The following TENM2 variants were observed in gnomAD, a reference collection of about 807,000 sequenced individuals.
TENM2 encodes the protein teneurin-2.
In TENM2, 52 loss-of-function variants were observed where a neutral mutation model predicts 245.2. The ratio of observed to expected loss-of-function variants is 0.21; its 90% confidence interval spans 0.17 to 0.27. The LOEUF is 0.27. TENM2 is among the 10% of genes least tolerant of loss of function. TENM2 has a pLI of 1.00. For missense variants in TENM2, 3,046 were observed against 3,666.8 expected (o/e 0.83, Z 4.37); for synonymous variants, 1,363 against 1,438.9 (o/e 0.95, Z 1.19).
intron 2 of TENM2, among the ~76,000 whole-genome samples, chr5:167,709,457 A>G (rs977525169): frequency 6.6e-6 from 1 of 152,192 alleles, no homozygotes; most frequent in African/African-American, 2.4e-5. Flanking sequence ...AGTGTAGAGT[A>G]CAAATATATA....
intron 1 of TENM2, among the ~76,000 whole-genome samples, chr5:167,368,170 AT>A (rs1760179828): frequency 6.6e-6 from 1 of 152,228 alleles, no homozygotes; most frequent in Non-Finnish European, 1.5e-5. Flanking sequence ...CTTGAAAAAA[AT>A]AAACCTAATT....
At chr5:167,351,559 G>C (rs549646925) in intron 1 of TENM2, among the ~76,000 whole-genome samples, 1 of 152,296 alleles carries the variant, frequency 6.6e-6, no homozygotes, top group African/African-American at 2.4e-5. Flanking sequence ...CACTAATTCC[G>C]GTGGACAGTT....
rs546643333 is a variant in TENM2 at position 167,444,064 on chromosome 5, G to A, written c.502+68591G>A. Among the ~76,000 whole-genome samples, 4 of 152,016 alleles carry A rather than the reference G, an allele frequency of 2.6e-5. No individual in the cohort carries two copies. In the East Asian group the frequency reaches 5.8e-4, roughly 22 times the overall value. On this transcript the variant is annotated intron_variant, in intron 2 of 28. Coordinates refer to ENST00000518659, the Ensembl canonical transcript of TENM2. ...ATATTTTATATTTCCTTAATTTGTAGTGACTATTATTATGGTGGTAGATAA... is the reference window on the plus strand; with the variant it reads ...ATATTTTATATTTCCTTAATTTGTAATGACTATTATTATGGTGGTAGATAA...
chr5:168,083,492 G>A (rs1428564437), intron 7 of TENM2, among the ~76,000 whole-genome samples: 1 of 152,176 alleles, frequency 6.6e-6, no homozygotes, highest in African/African-American at 2.4e-5. Flanking sequence ...CGGTACCTCA[G>A]TTGGAAATGC....
chr5:168,189,943 T>C (rs774687133), intron 13 of TENM2, among the ~76,000 whole-genome samples: 2 of 152,102 alleles, frequency 1.3e-5, no homozygotes, highest in Non-Finnish European at 2.9e-5. Context: ...TGTGCACCCA[T>C]TAGCACGGAC....
chr5:167,462,975 A>G (rs764209229), intron 2 of TENM2, among the ~76,000 whole-genome samples: 3 of 152,060 alleles, frequency 2.0e-5, no homozygotes, highest in Non-Finnish European at 2.9e-5. Context: ...ATAGTCTTCA[A>G]TGAGCCAAAA....
At chr5:167,818,949 G>A (rs1771098626) in intron 2 of TENM2, among the ~76,000 whole-genome samples, 1 of 152,028 alleles carries the variant, frequency 6.6e-6, no homozygotes, top group Non-Finnish European at 1.5e-5. Flanking sequence ...TGGGCCTAGG[G>A]AACCAACACA....
chr5:167,703,503 A>T (rs1290673429), intron 2 of TENM2, among the ~76,000 whole-genome samples: 1 of 134,518 alleles, frequency 7.4e-6, no homozygotes, highest in Non-Finnish European at 1.5e-5. Context: ...ATGTACTCCA[A>T]CCTGGGTGAC....
chr5:167,208,071 A>G, the TENM2 span, among the ~76,000 whole-genome samples: 2 of 152,090 alleles, frequency 1.3e-5, no homozygotes, highest in African/African-American at 2.4e-5. Context: ...GTATATTCTT[A>G]TTGTAGTCTT....
intron 1 of TENM2, among the ~76,000 whole-genome samples, chr5:167,315,638 G>A (rs1272489143): frequency 6.6e-6 from 1 of 151,936 alleles, no homozygotes; most frequent in Non-Finnish European, 1.5e-5. Flanking sequence ...TTTTTTCAAG[G>A]TGTGCTAAAC....
chr5:167,568,533 A>G (rs1210670362), intron 2 of TENM2, among the ~76,000 whole-genome samples: 1 of 152,042 alleles, frequency 6.6e-6, no homozygotes, highest in African/African-American at 2.4e-5. Flanking sequence ...TTATGCAAAT[A>G]TTTCAAGACA....
intron 2 of TENM2, among the ~76,000 whole-genome samples, chr5:167,641,476 C>T (rs1337832642): frequency 6.6e-6 from 1 of 152,078 alleles, no homozygotes; most frequent in Non-Finnish European, 1.5e-5. Context: ...GCAAAAACCA[C>T]ATTTGGTTTT....
the TENM2 span, among the ~76,000 whole-genome samples, chr5:167,000,263 A>G: frequency 1.3e-5 from 2 of 152,198 alleles, no homozygotes; most frequent in African/African-American, 2.4e-5. Context: ...AATTAGAAAG[A>G]TCAAGAAAAA....
chr5:167,599,392 A>G (rs528171375), intron 2 of TENM2, among the ~76,000 whole-genome samples: 1 of 152,284 alleles, frequency 6.6e-6, no homozygotes, highest in South Asian at 2.1e-4. Flanking sequence ...AATGTTTCAG[A>G]GTTAAAAATA....
chr5:167,470,454 CTTTTTTTTTT>C (rs749016436), intron 2 of TENM2, among the ~76,000 whole-genome samples: 3 of 47,394 alleles, frequency 6.3e-5, no homozygotes, highest in African/African-American at 2.5e-4. Context: ...GCAATGCTTG[CTTTTTTTTTT>C]TTTTTTTTTT....
chr5:167,826,303 T>C (rs1465696976), intron 2 of TENM2, among the ~76,000 whole-genome samples: 1 of 152,242 alleles, frequency 6.6e-6, no homozygotes, highest in Non-Finnish European at 1.5e-5. Flanking sequence ...TCCAGCTCCC[T>C]GCCAGGTTCC....
the TENM2 span, among the ~76,000 whole-genome samples, chr5:167,108,852 C>T: frequency 1.3e-5 from 2 of 152,090 alleles, no homozygotes; most frequent in Non-Finnish European, 2.9e-5. Context: ...AATAAAAGAG[C>T]TCCAAAATAA....
At chr5:167,493,310 T>G (rs951394428) in intron 2 of TENM2, among the ~76,000 whole-genome samples, 1 of 151,974 alleles carries the variant, frequency 6.6e-6, no homozygotes, top group Non-Finnish European at 1.5e-5. Flanking sequence ...ACAGAAACCT[T>G]TATTGGCACA....
chr5:167,156,593 A>C, the TENM2 span, among the ~76,000 whole-genome samples: 39,164 of 151,964 alleles, frequency 0.26, 6,912 homozygotes, highest in African/African-American at 0.49. Context: ...AAACCTTTGA[A>C]GCCCTTGCCA....
Sources: gnomAD v4.1 joint callset for allele counts (sites outside exome capture counted in the v4.1 genomes callset) on GRCh38, gnomAD v4.1.1 for gene constraint, MANE v1.5 for transcripts, NCBI Gene and HGNC (gene_info 2026-07-23, HGNC 2026-07-21) for gene names.